SMS: variants seen among roughly 807,000 people sequenced by gnomAD.
SMS encodes the protein spermidine aminopropyltransferase.
SMS carries 3 observed loss-of-function variants against 33.0 expected under a neutral mutation model. The ratio of observed to expected loss-of-function variants is 0.09; its 90% CI spans 0.04 to 0.23. SMS has a LOEUF of 0.23. SMS is among the 10% of genes least tolerant of loss of function. The probability of loss-of-function intolerance (pLI) is 1.00; values close to 1 mark genes in which losing one functional copy is unlikely to be tolerated. For synonymous variants in SMS, 103 were observed against 112.2 expected (o/e 0.92, Z 0.52); for missense variants, 117 against 288.6 (o/e 0.41, Z 4.31).
intron 1 of SMS, chrX:21,959,804 G>T (rs1454774292): frequency 1.1e-5 from 3 of 282,120 alleles, no homozygotes; most frequent in African/African-American, 2.9e-5. Flanking sequence ...TAGGATCTGG[G>T]GTTTAGGGGA....
intron 4 of SMS, among the ~76,000 whole-genome samples, chrX:21,976,319 C>T (rs1262645797): frequency 9.0e-6 from 1 of 110,786 alleles, no homozygotes; most frequent in African/African-American, 3.3e-5. Flanking sequence ...AAAAAGGTAC[C>T]TTTGCAAATG....
At chrX:21,967,352 C>T in intron 2 of SMS, 36 bp downstream of exon 2, 1 of 1,196,388 alleles carries the variant, frequency 8.4e-7, no homozygotes, top group Non-Finnish European at 1.1e-6. Context: ...CATACCTGGT[C>T]ACTTATGAGC....
At chrX:21,985,742 TTATGTAGCA>T (rs1925278429) in intron 9 of SMS, among the ~76,000 whole-genome samples, 1 of 111,999 alleles carries the variant, frequency 8.9e-6, no homozygotes, top group Non-Finnish European at 1.9e-5. Flanking sequence ...AGATAAGCAC[TTATGTAGCA>T]TTGCACTCTG....
chrX:21,951,239 G>T (rs1922587400), intron 1 of SMS, among the ~76,000 whole-genome samples: 1 of 112,381 alleles, frequency 8.9e-6, no homozygotes, highest in South Asian at 3.6e-4. Flanking sequence ...CTGCATAAAT[G>T]TCTTCTTTTC....
At chrX:21,992,877 TAAATA>T (rs1925850505) in intron 10 of SMS, among the ~76,000 whole-genome samples, 165 bp downstream of exon 10, 1 of 112,417 alleles carries the variant, frequency 8.9e-6, no homozygotes, top group South Asian at 3.6e-4. Context: ...TGAGAAGCTT[TAAATA>T]AAATCTGAGA....
chrX:21,971,078 C>T (rs1347725991), intron 2 of SMS, among the ~76,000 whole-genome samples: 2 of 109,081 alleles, frequency 1.8e-5, no homozygotes, highest in Non-Finnish European at 3.8e-5. Flanking sequence ...CGCCTGTGGT[C>T]CCAGCTACTC....
At chrX:21,974,856 CTTTTTTTTT>C (rs11347193) in intron 4 of SMS, among the ~76,000 whole-genome samples, 1 of 83,307 alleles carries the variant, frequency 1.2e-5, no homozygotes, top group African/African-American at 4.3e-5. Flanking sequence ...GATTGCTATC[CTTTTTTTTT>C]TTTTTTTTTT....
Position 21,971,919 on chromosome X carries a change from C to G in SMS, c.193C>G (p.Pro65Ala). ...TAGCTTTGCCAATTTGAGAATTTAC[C>G]CACATGGATTGGTGTTGCTGGACCT... The part of the protein sequence containing the change: ...NGSFANLRIY[P>A]HGLVLLDLQS... Residue 65 changes from proline (P) to alanine (A), a missense_variant, in exon 3 of 11, where the codon CCA becomes GCA. By Grantham distance (27) the Pro-to-Ala change is conservative. Coordinates refer to ENST00000404933, the MANE Select transcript of SMS (RefSeq NM_004595.5). The G allele has an allele frequency of 1.7e-6, 2 of 1,197,523 alleles. No individual in the cohort carries two copies. The highest frequency in any genetic ancestry group is 2.3e-6 in the Non-Finnish European group (2 of 883,594).
chrX:21,988,953 G>A (rs1272938878), intron 9 of SMS, among the ~76,000 whole-genome samples: 2 of 109,701 alleles, frequency 1.8e-5, no homozygotes, highest in African/African-American at 6.6e-5. Flanking sequence ...TTCCTCTCTT[G>A]TCTCCCCACA....
At chrX:21,964,883 A>T (rs888809601) in intron 1 of SMS, among the ~76,000 whole-genome samples, 4 of 112,020 alleles carry the variant, frequency 3.6e-5, no homozygotes. Flanking sequence ...AATGGCAGAG[A>T]TGTATTCTCT....
At chrX:21,982,355 A>G (rs1255469419) in intron 7 of SMS, among the ~76,000 whole-genome samples, 1 of 109,217 alleles carries the variant, frequency 9.2e-6, no homozygotes, top group African/African-American at 3.3e-5. Flanking sequence ...AAAAAAAAAA[A>G]AGTACCACAA....
intron 2 of SMS, among the ~76,000 whole-genome samples, chrX:21,969,263 TCTAA>T (rs1303778908): frequency 2.7e-5 from 3 of 112,114 alleles, no homozygotes; most frequent in African/African-American, 6.5e-5. Flanking sequence ...GGCTTGTATT[TCTAA>T]CTGTGTAGCA....
At chrX:21,947,605 C>G (rs949468915) in intron 1 of SMS, among the ~76,000 whole-genome samples, 7 of 111,608 alleles carry the variant, frequency 6.3e-5, no homozygotes, top group Non-Finnish European at 1.3e-4. Context: ...ATCACCTGTT[C>G]CTTACTTTAG....
chrX:21,980,784 T>G (rs916068427), intron 7 of SMS, among the ~76,000 whole-genome samples: 21 of 111,323 alleles, frequency 1.9e-4, no homozygotes. Context: ...AGGAAATTAT[T>G]TGAATTAATG....
At position 21,978,583 on chromosome X, in the gene SMS, CAAAT is replaced by C. The variant is rs770225892; in HGVS notation, c.661-291_661-288del. ...AGTAAGACTCTGTCTCAAAAACAAA[CAAAT>C]AATCTACCTAGTTGAGGATTAAAGA... On this transcript the variant is annotated intron_variant, in intron 6 of 10. Transcript: ENST00000404933. 1.5e-3 allele frequency among the ~76,000 whole-genome samples: 172 copies of C among 111,603 alleles called. 1 individual carries two copies. Among genetic ancestry groups the C allele is most frequent in the African/African-American group, 5.0e-3 (154 of 30,757 alleles).
chrX:21,961,691 G>T (rs769827096), intron 1 of SMS, among the ~76,000 whole-genome samples: 1 of 110,948 alleles, frequency 9.0e-6, no homozygotes, highest in Non-Finnish European at 1.9e-5. Context: ...TTAAGTTGTT[G>T]TTGAACAAAC....
intron 1 of SMS, among the ~76,000 whole-genome samples, chrX:21,943,641 G>T (rs953774962): frequency 9.1e-6 from 1 of 109,406 alleles, no homozygotes; most frequent in South Asian, 4.1e-4. Flanking sequence ...GTGTGGGGGG[G>T]TGGGGAATGT....
chrX:21,943,299 T>A, intron 1 of SMS, among the ~76,000 whole-genome samples: 1 of 112,084 alleles, frequency 8.9e-6, no homozygotes. Flanking sequence ...TGTTGTTTTG[T>A]TAAAGTGGGA....
At chrX:21,957,517 G>A (rs1403391605) in intron 1 of SMS, among the ~76,000 whole-genome samples, 1 of 111,078 alleles carries the variant, frequency 9.0e-6, no homozygotes, top group Admixed American at 9.5e-5. Flanking sequence ...GGCTGGTCTC[G>A]AACTCCTGAC....
Sources: gnomAD v4.1 joint callset for allele counts (sites outside exome capture counted in the v4.1 genomes callset) on GRCh38, gnomAD v4.1.1 for gene constraint, MANE v1.5 for transcripts, NCBI Gene and HGNC (gene_info 2026-07-23, HGNC 2026-07-21) for gene names.